SHROOM2: variants seen among roughly 807,000 people sequenced by gnomAD.
The protein encoded by SHROOM2 is protein Shroom2.
In SHROOM2, 33 loss-of-function variants were observed where a neutral mutation model predicts 75.9. The ratio of observed to expected loss-of-function variants is 0.43; its 90% CI spans 0.33 to 0.58. SHROOM2 has a LOEUF of 0.58. Among genes scored for constraint, SHROOM2 ranks in the 20% least tolerant of loss-of-function variants. The pLI is 0.04. For missense variants in SHROOM2, 1,434 were observed against 1,461.2 expected (o/e 0.98, Z 0.30); for synonymous variants, 655 against 663.6 (o/e 0.99, Z 0.20).
At position 9,799,157 on chromosome X, in the gene SHROOM2, C is replaced by CTTTTTTTT. The variant is rs58508176; in HGVS notation, c.165+12468_165+12475dup. On this transcript the variant is annotated intron_variant, in intron 1 of 9. Transcript: ENST00000380913. ...GTTTGCCTTTACGGAGAGTTTAATT[C>CTTTTTTTT]TTTTTTTTTTTTTTTTTTTTTTTTT... 9.3e-4 allele frequency among the ~76,000 whole-genome samples: 57 copies of CTTTTTTTT among 61,382 alleles called. 8 individuals carry two copies. The highest frequency in any genetic ancestry group is 4.0e-3 in the African/African-American group (45 of 11,343). The allele number at this position is 61,382 out of a possible 115,157, so 53.3% of individuals were successfully genotyped here.
intron 1 of SHROOM2, among the ~76,000 whole-genome samples, chrX:9,820,333 GCCAGCTT>G (rs1333129624): frequency 9.2e-6 from 1 of 108,806 alleles, no homozygotes. Context: ...TCCAGCCACA[GCCAGCTT>G]CCAGCTTCTA....
chrX:9,808,683 G>A (rs2083772172), intron 1 of SHROOM2, among the ~76,000 whole-genome samples: 2 of 110,562 alleles, frequency 1.8e-5, no homozygotes, highest in African/African-American at 3.3e-5. Context: ...CCAACGTGGT[G>A]AAACCCTGTC....
chrX:9,817,506 G>C (rs754789762), intron 1 of SHROOM2, among the ~76,000 whole-genome samples: 1 of 111,641 alleles, frequency 9.0e-6, no homozygotes, highest in South Asian at 3.7e-4. Context: ...AACTTCCCTG[G>C]CTCACCCAAC....
intron 1 of SHROOM2, among the ~76,000 whole-genome samples, chrX:9,833,510 G>A (rs1010417977): frequency 1.8e-5 from 2 of 110,286 alleles, no homozygotes; most frequent in Admixed American, 9.7e-5. Context: ...CCCCTGCATC[G>A]GACCTCCTAA....
At chrX:9,886,419 C>T (rs1328818357) in intron 2 of SHROOM2, among the ~76,000 whole-genome samples, 3 of 112,442 alleles carry the variant, frequency 2.7e-5, no homozygotes, top group Non-Finnish European at 3.8e-5. Flanking sequence ...GGGAGATGCA[C>T]AATATACACT....
chrX:9,937,810 G>A, intron 7 of SHROOM2, 125 bp downstream of exon 7: 1 of 591,867 alleles, frequency 1.7e-6, no homozygotes, highest in African/African-American at 2.3e-5. Context: ...TTTCATAAGG[G>A]CTCCTCGATG....
intron 6 of SHROOM2, among the ~76,000 whole-genome samples, chrX:9,934,725 GATGCT>G (rs2084683150): frequency 8.9e-6 from 1 of 111,953 alleles, no homozygotes; most frequent in Admixed American, 9.5e-5. Context: ...ATCAGGAATA[GATGCT>G]TTGTTGGAAA....
intron 5 of SHROOM2, among the ~76,000 whole-genome samples, chrX:9,930,867 C>T (rs1026642063): frequency 9.1e-6 from 1 of 109,672 alleles, no homozygotes; most frequent in Non-Finnish European, 1.9e-5. Flanking sequence ...CTCAGCCTTC[C>T]GAGTAGCTGG....
At chrX:9,892,276 G>GA (rs1181395803) in intron 3 of SHROOM2, among the ~76,000 whole-genome samples, 9 of 99,178 alleles carry the variant, frequency 9.1e-5, no homozygotes, top group African/African-American at 2.2e-4. Context: ...AAAAAGAAAA[G>GA]AAAAAAAAAT....
At chrX:9,894,061 C>T (rs945798972) in intron 3 of SHROOM2, among the ~76,000 whole-genome samples, 1 of 111,318 alleles carries the variant, frequency 9.0e-6, no homozygotes, top group Non-Finnish European at 1.9e-5. Flanking sequence ...CAGACGTTGC[C>T]TGCCAACGAT....
chrX:9,884,373 T>C (rs969444615), intron 2 of SHROOM2, among the ~76,000 whole-genome samples: 4 of 107,260 alleles, frequency 3.7e-5, no homozygotes, highest in South Asian at 8.2e-4. Context: ...CTTTTCTTTT[T>C]TTTTTTTTTT....
intron 1 of SHROOM2, among the ~76,000 whole-genome samples, chrX:9,834,135 C>T (rs945894419): frequency 1.8e-5 from 2 of 112,110 alleles, no homozygotes; most frequent in Non-Finnish European, 3.8e-5. Context: ...TCTGCCAGTG[C>T]GCAAGATGCC....
intron 1 of SHROOM2, among the ~76,000 whole-genome samples, chrX:9,840,390 C>T (rs2083973328): frequency 9.0e-6 from 1 of 111,623 alleles, no homozygotes; most frequent in South Asian, 3.8e-4. Context: ...ACCTCAGCTC[C>T]CCAAGTAGCT....
chrX:9,863,569 G>A (rs73474539), intron 1 of SHROOM2, among the ~76,000 whole-genome samples: 6,406 of 103,031 alleles, frequency 0.062, 413 homozygotes, highest in African/African-American at 0.19. Context: ...AACACACGAG[G>A]AGGGTTTTGG....
intron 1 of SHROOM2, among the ~76,000 whole-genome samples, chrX:9,796,904 G>A (rs60106908): frequency 2.7e-5 from 3 of 111,589 alleles, no homozygotes; most frequent in East Asian, 5.6e-4. Context: ...CATGGCTACC[G>A]AAAGTGCTGA....
intron 2 of SHROOM2, among the ~76,000 whole-genome samples, chrX:9,884,072 T>A (rs1407918766): frequency 9.0e-6 from 1 of 111,681 alleles, no homozygotes; most frequent in Non-Finnish European, 1.9e-5. Flanking sequence ...GTTCCTCAGC[T>A]CCCAGTGTAG....
At chrX:9,835,125 C>A (rs998286004) in intron 1 of SHROOM2, among the ~76,000 whole-genome samples, 1 of 112,458 alleles carries the variant, frequency 8.9e-6, no homozygotes, top group Non-Finnish European at 1.9e-5. Flanking sequence ...TGGGAAAAAA[C>A]ACACTGACAG....
chrX:9,947,168 TG>T lies in SHROOM2; in HGVS notation c.*232del. The T allele has an allele frequency of 2.5e-6, 1 of 407,287 alleles. No homozygotes were observed. The highest frequency in any genetic ancestry group is 4.7e-5 in the Admixed American group (1 of 21,308). 33.6% of individuals were successfully genotyped at this position (407,287 alleles called of 1,213,427 possible). Reference sequence around the variant, plus strand: ...ATTTTCCTTTACACATAACTACACCTGACACCAGGCTCTGCTGGATGTGAGT... The same window carrying T: ...ATTTTCCTTTACACATAACTACACCTACACCAGGCTCTGCTGGATGTGAGT... On this transcript the variant is annotated 3_prime_UTR_variant, in exon 10 of 10. Transcript: ENST00000380913.
intron 5 of SHROOM2, among the ~76,000 whole-genome samples, chrX:9,924,556 A>G (rs748300055): frequency 5.4e-5 from 6 of 110,341 alleles, no homozygotes; most frequent in Admixed American, 9.6e-5. Flanking sequence ...GGGTCTTGCT[A>G]TGTTGCCCAG....
Sources: allele counts gnomAD v4.1 joint callset (sites outside exome capture counted in the v4.1 genomes callset), GRCh38; gene constraint gnomAD v4.1.1; transcripts MANE v1.5; gene names NCBI Gene and HGNC (gene_info 2026-07-23, HGNC 2026-07-21).